PEX2: variants seen among roughly 807,000 people sequenced by gnomAD.
PEX2 encodes the protein peroxisomal biogenesis factor 2, also known as peroxisome biogenesis factor 2.
A neutral mutation model predicts 25.2 loss-of-function variants in PEX2; 19 were observed. The observed-to-expected ratio is 0.75, with a 90% confidence interval of 0.53 to 1.10. The LOEUF (loss-of-function observed/expected upper bound fraction) is 1.10. Ranked by LOEUF, PEX2 falls within the 50% of genes least tolerant of loss-of-function variation. The pLI is 0.00. For synonymous variants in PEX2, 141 were observed against 127.7 expected, an observed-to-expected ratio of 1.10 and a Z score of -0.70; for missense variants, 347 against 350.6, an observed-to-expected ratio of 0.99 and a Z score of 0.08.
At position 76,983,244 on chromosome 8, in the gene PEX2, G is replaced by A; in HGVS notation, c.*17C>T. 1 of 1,609,108 alleles carries A rather than the reference G, an allele frequency of 6.2e-7. No homozygotes were observed. The highest frequency in any genetic ancestry group is 2.2e-5 in the East Asian group (1 of 44,856). The stretch of plus-strand genomic sequence containing the variant: ...AACACGGTGCATTTTTTTCCTCAAA[G>A]GAAGCAATTTTAGTTTCTAAAGAGC... On this transcript the variant is annotated 3_prime_UTR_variant, in exon 4 of 4. Coordinates refer to ENST00000357039, the MANE Select transcript of PEX2 (RefSeq NM_000318.3).
chr8:76,999,007 AAAT>A (rs1807418074), intron 1 of PEX2, among the ~76,000 whole-genome samples: 1 of 149,396 alleles, frequency 6.7e-6, no homozygotes, highest in Non-Finnish European at 1.5e-5. Flanking sequence ...TTGACTCTGT[AAAT>A]AATTCTTTCA....
rs1010520129 is a variant in PEX2 at position 76,982,867 on chromosome 8, A to G, written c.*394T>C. Reference sequence around the variant, plus strand: ...AGGTCTTAAGGTTTAAAACAGTCTCATAATTGTCACATTATCATATTATGT... The same window carrying G: ...AGGTCTTAAGGTTTAAAACAGTCTCGTAATTGTCACATTATCATATTATGT... On this transcript the variant is annotated 3_prime_UTR_variant, in exon 4 of 4. Transcript: ENST00000357039. 4.1e-5 allele frequency: 10 copies of G among 246,168 alleles called. No homozygotes were observed. The highest frequency in any genetic ancestry group is 7.9e-5 in the Non-Finnish European group (10 of 126,954). The allele number at this position is 246,168 out of a possible 1,614,324, so 15.2% of individuals were successfully genotyped here. A position where few individuals can be genotyped will look rare whatever the true frequency, so the allele number is the denominator to read the frequency against.
In PEX2 at chr8:76,980,486, G is replaced by A. The variant is rs533505766; in HGVS notation, c.*2775C>T. 1.3e-5 allele frequency: 2 copies of A among 152,298 alleles called. No homozygotes were observed. Among genetic ancestry groups the A allele is most frequent in the Admixed American group, 6.5e-5 (1 of 15,306 alleles). 9.4% of individuals were successfully genotyped at this position (152,298 alleles called of 1,614,324 possible). A position where few individuals can be genotyped will look rare whatever the true frequency, so the allele number is the denominator to read the frequency against. On this transcript the variant is annotated 3_prime_UTR_variant, in exon 4 of 4. Coordinates refer to ENST00000357039, the MANE Select transcript of PEX2 (RefSeq NM_000318.3). The stretch of plus-strand genomic sequence containing the variant: ...TTCCTGTGGTGAACGGCCTCCTCCA[G>A]GACTCCTTTAGGTTCATGTGGTATA...
chr8:77,000,611 C>A (rs1586082422), upstream of PEX2, among the ~76,000 whole-genome samples: 1 of 152,184 alleles, frequency 6.6e-6, no homozygotes, highest in Admixed American at 6.5e-5. Flanking sequence ...GGAGACCTGC[C>A]CGCCCTCGGG....
At chr8:76,992,073 A>G (rs1807187709) in intron 1 of PEX2, among the ~76,000 whole-genome samples, 1 of 152,164 alleles carries the variant, frequency 6.6e-6, no homozygotes, top group Admixed American at 6.5e-5. Context: ...TAAACCACAA[A>G]CATAATGTCA....
At chr8:76,984,415 TTC>T (rs1806945834) in intron 3 of PEX2, among the ~76,000 whole-genome samples, 1 of 152,128 alleles carries the variant, frequency 6.6e-6, no homozygotes, top group South Asian at 2.1e-4. Context: ...TTTTCTTAAT[TTC>T]TTTTTCTTTT....
In PEX2 at chr8:76,999,559, GCACT is replaced by G. The variant is rs536198948; in HGVS notation, c.-160+427_-160+430del. ...GCTTTCAACAGTGTTAGAAAACTAA[GCACT>G]CAAATTTTTTGTACTACATATAACA... On this transcript the variant is annotated intron_variant, in intron 1 of 3. Transcript: ENST00000357039. Among the ~76,000 whole-genome samples the G allele has an allele frequency of 3.9e-4, 59 of 152,240 alleles. 1 individual carries two copies. In the South Asian group the frequency reaches 0.011, roughly 28 times the overall value.
At chr8:76,991,198 G>A (rs1453803451) in intron 1 of PEX2, among the ~76,000 whole-genome samples, 4 of 152,176 alleles carry the variant, frequency 2.6e-5, no homozygotes, top group African/African-American at 9.7e-5. Context: ...TCTATTTCAA[G>A]TTTCTTGTTT....
chr8:76,983,146 CAG>C lies in PEX2; in HGVS notation c.*113_*114del. 6.3e-7 allele frequency: 1 copy of C among 1,578,516 alleles called. No homozygotes were observed. The highest frequency in any genetic ancestry group is 8.6e-7 in the Non-Finnish European group (1 of 1,169,430). On this transcript the variant is annotated 3_prime_UTR_variant, in exon 4 of 4. Transcript: ENST00000357039. ...TCAGTCATGCCTGGAAAGGAGAAGA[CAG>C]TGGCTAGGAGCACATTCCTTATAAA...
chr8:76,983,733 C>A lies in PEX2; in HGVS notation c.446G>T (p.Gly149Val), dbSNP rs774402918. 1 of 1,613,962 alleles carries A rather than the reference C, an allele frequency of 6.2e-7. No homozygotes were observed. The highest frequency in any genetic ancestry group is 8.5e-7 in the Non-Finnish European group (1 of 1,179,984). Residue 149 changes from glycine (G) to valine (V), a missense_variant, in exon 4 of 4, where the codon GGT becomes GTT. By Grantham distance (109) the Gly-to-Val change is moderately radical. Coordinates refer to ENST00000357039, the MANE Select transcript of PEX2 (RefSeq NM_000318.3). ...GAAAATCAAAAAATTAATCAGCCCACCTAATTTCAAAAGTCCAATCACAAA... is the reference window on the plus strand; with the variant it reads ...GAAAATCAAAAAATTAATCAGCCCAACTAATTTCAAAAGTCCAATCACAAA... The part of the protein sequence containing the change: ...VNFVIGLLKL[G>V]GLINFLIFLQ...
At chr8:76,991,182 G>A (rs1807160535) in intron 1 of PEX2, among the ~76,000 whole-genome samples, 1 of 152,136 alleles carries the variant, frequency 6.6e-6, no homozygotes. Flanking sequence ...TTTGTCAGAA[G>A]AATCATCTAT....
chr8:76,990,015 A>T (rs928847124), intron 1 of PEX2, among the ~76,000 whole-genome samples: 27 of 152,186 alleles, frequency 1.8e-4, no homozygotes, highest in African/African-American at 6.3e-4. Context: ...TCTTGAAAAT[A>T]TATTGTCTAG....
rs547671894 is a variant in PEX2, at chr8:76,984,263, G to A, written c.-17-68C>T. 44 of 1,285,234 alleles carry A rather than the reference G, an allele frequency of 3.4e-5. No homozygotes were observed. The African/African-American group carries it at 4.7e-4, about 14-fold the overall frequency. The allele number at this position is 1,285,234 out of a possible 1,614,324, so 79.6% of individuals were successfully genotyped here. ...ATCTTGTACAACCTCCTCAACTTATGCCTGGAAACTGTCATACACAAATTA... is the reference window on the plus strand; with the variant it reads ...ATCTTGTACAACCTCCTCAACTTATACCTGGAAACTGTCATACACAAATTA... On this transcript the variant is annotated intron_variant, in intron 3 of 3. Coordinates refer to ENST00000357039, the MANE Select transcript of PEX2 (RefSeq NM_000318.3).
In PEX2 at chr8:76,983,202, CTAATAT is replaced by C; in HGVS notation, c.*53_*58del. On this transcript the variant is annotated 3_prime_UTR_variant, in exon 4 of 4. Transcript: ENST00000357039. Reference sequence around the variant, plus strand: ...TACATAAATGGTATACTTAGGATGACTAATATTAAGAATTTAAACACGGTGCATTTT... The same window carrying C: ...TACATAAATGGTATACTTAGGATGACTAAGAATTTAAACACGGTGCATTTT... 2 of 1,601,028 alleles carry C rather than the reference CTAATAT, an allele frequency of 1.2e-6. No individual in the cohort carries two copies. Among genetic ancestry groups the C allele is most frequent in the Non-Finnish European group, 1.7e-6 (2 of 1,179,640 alleles).
At chr8:76,994,571 A>G (rs988673487) in intron 1 of PEX2, among the ~76,000 whole-genome samples, 1 of 152,118 alleles carries the variant, frequency 6.6e-6, no homozygotes, top group Non-Finnish European at 1.5e-5. Context: ...ACCATTAGGC[A>G]TATTTGTCAA....
At chr8:76,997,282 C>T (rs1295659943) in intron 1 of PEX2, among the ~76,000 whole-genome samples, 1 of 152,176 alleles carries the variant, frequency 6.6e-6, no homozygotes, top group Non-Finnish European at 1.5e-5. Flanking sequence ...CACATACATG[C>T]AAGGTAGAGG....
chr8:76,980,373 C>A lies in PEX2; in HGVS notation c.*2888G>T, dbSNP rs1357012788. The A allele has an allele frequency of 6.6e-6, 1 of 152,182 alleles. No homozygotes were observed. The highest frequency in any genetic ancestry group is 1.5e-5 in the Non-Finnish European group (1 of 68,022). 9.4% of individuals were successfully genotyped at this position (152,182 alleles called of 1,614,324 possible). ...CTAGATCACTGGTAAAATGAGACTG[C>A]AATGTGGACTTTTGAAATGAGTAAG... On this transcript the variant is annotated 3_prime_UTR_variant, in exon 4 of 4. Transcript: ENST00000357039.
intron 2 of PEX2, chr8:76,986,572 T>C (rs901330953): frequency 6.6e-6 from 1 of 152,516 alleles, no homozygotes; most frequent in Non-Finnish European, 1.5e-5. Context: ...CCCAGCTTGC[T>C]TTCCTTCCTT....
upstream of PEX2, chr8:77,000,135 GA>G (rs1034812026): frequency 2.0e-3 from 598 of 299,904 alleles, no homozygotes; most frequent in South Asian, 2.8e-3. Context: ...GGAAGTGGCT[GA>G]AAAAAAAAAG....
Sources: allele counts gnomAD v4.1 joint callset (sites outside exome capture counted in the v4.1 genomes callset), GRCh38; gene constraint gnomAD v4.1.1; transcripts MANE v1.5; gene names NCBI Gene and HGNC (gene_info 2026-07-23, HGNC 2026-07-21).